PLCXD3: variants seen among roughly 807,000 people sequenced by gnomAD.
PLCXD3 encodes the protein PI-PLC X domain-containing protein 3.
In PLCXD3, 19 loss-of-function variants were observed where a neutral mutation model predicts 25.5. The observed-to-expected ratio is 0.75, with a 90% CI of 0.52 to 1.09. PLCXD3 has a LOEUF of 1.09. Ranked by LOEUF, PLCXD3 falls within the 50% of genes least tolerant of loss-of-function variation. PLCXD3 has a pLI of 0.00. For missense variants in PLCXD3, 411 were observed against 388.1 expected (o/e 1.06, Z -0.50); for synonymous variants, 174 against 137.6 (o/e 1.26, Z -1.85).
At chr5:41,358,833 A>G (rs1744692894) in intron 2 of PLCXD3, among the ~76,000 whole-genome samples, 3 of 151,874 alleles carry the variant, frequency 2.0e-5, no homozygotes, top group African/African-American at 7.3e-5. Flanking sequence ...TCCCTGTTTA[A>G]TCTTATGTTG....
intron 1 of PLCXD3, among the ~76,000 whole-genome samples, chr5:41,410,306 A>AT (rs563270858): frequency 0.02 from 2,991 of 148,364 alleles, 75 homozygotes; most frequent in African/African-American, 0.064. Context: ...CGCCTGGCTA[A>AT]TTTTTTTTTT....
intron 1 of PLCXD3, among the ~76,000 whole-genome samples, chr5:41,416,257 G>A (rs1370666536): frequency 2.7e-5 from 4 of 150,558 alleles, no homozygotes; most frequent in Non-Finnish European, 4.4e-5. Flanking sequence ...GATCTAGAAG[G>A]AAAAAGCGAC....
chr5:41,367,295 G>A (rs13166710), intron 2 of PLCXD3, among the ~76,000 whole-genome samples: 91,725 of 152,022 alleles, frequency 0.6, 28,442 homozygotes, highest in South Asian at 0.75. Context: ...AGCCTCGCCC[G>A]TGTCTATTGT....
chr5:41,364,971 AG>A (rs1325602814), intron 2 of PLCXD3, among the ~76,000 whole-genome samples: 4 of 152,368 alleles, frequency 2.6e-5, no homozygotes, highest in Admixed American at 2.0e-4. Flanking sequence ...AAATTTTCTC[AG>A]GGAACTTGCT....
At chr5:41,394,653 A>G (rs12518202) in intron 1 of PLCXD3, among the ~76,000 whole-genome samples, 16,563 of 152,196 alleles carry the variant, frequency 0.11, 1,079 homozygotes, top group Admixed American at 0.17. Flanking sequence ...AAAAAAAAGA[A>G]CAGGAATAGC....
intron 1 of PLCXD3, among the ~76,000 whole-genome samples, chr5:41,463,769 A>T (rs1220956025): frequency 1.3e-5 from 2 of 151,628 alleles, no homozygotes; most frequent in African/African-American, 4.8e-5. Flanking sequence ...TATTTTTTTT[A>T]AGCTTCTTTG....
At chr5:41,323,083 C>A (rs188767986) in intron 2 of PLCXD3, among the ~76,000 whole-genome samples, 1 of 151,960 alleles carries the variant, frequency 6.6e-6, no homozygotes, top group African/African-American at 2.4e-5. Context: ...ATGCATGGAA[C>A]TGGAGATCAT....
At position 41,381,839 on chromosome 5, in the gene PLCXD3, T is replaced by C. The variant is rs1745470349; in HGVS notation, c.799A>G (p.Thr267Ala). ...VKGVASGLRE[T>A]ITERALPAMM... ...AAAGACACTTACCTTTCTGTGATTG[T>C]TTCTCTGAGGCCACTTGCCACCCCT... Residue 267 changes from threonine to alanine, a missense_variant, in exon 2 of 3, where the codon ACA (threonine) becomes GCA (alanine). Coordinates refer to ENST00000377801, the MANE Select transcript of PLCXD3 (RefSeq NM_001005473.3). The C allele has an allele frequency of 1.9e-6, 3 of 1,605,926 alleles. No homozygotes were observed. The highest frequency in any genetic ancestry group is 2.5e-6 in the Non-Finnish European group (3 of 1,176,640).
Position 41,439,177 on chromosome 5 carries a change from A to T in PLCXD3, c.104-56643T>A, listed in dbSNP as rs190089929. 3.9e-4 allele frequency among the ~76,000 whole-genome samples: 59 copies of T among 152,266 alleles called. 2 individuals are homozygous for T. In the East Asian group the frequency reaches 9.8e-3, roughly 25 times the overall value. ...TCCAAAGCACATTTTAATTTCCTGC[A>T]TGGGTCATGAATGGAAAATTTGTCC... On this transcript the variant is annotated intron_variant, in intron 1 of 2. Coordinates refer to ENST00000377801, the MANE Select transcript of PLCXD3 (RefSeq NM_001005473.3).
At chr5:41,362,230 C>G (rs986277169) in intron 2 of PLCXD3, among the ~76,000 whole-genome samples, 2 of 152,076 alleles carry the variant, frequency 1.3e-5, no homozygotes, top group African/African-American at 4.8e-5. Context: ...TTTCATATTA[C>G]TTTTTTGAGT....
chr5:41,340,708 G>A (rs1178501504), intron 2 of PLCXD3, among the ~76,000 whole-genome samples: 2 of 152,172 alleles, frequency 1.3e-5, no homozygotes, highest in Non-Finnish European at 2.9e-5. Context: ...TAGAGGGATA[G>A]TGCTATTTTC....
At chr5:41,345,572 G>C (rs1744273989) in intron 2 of PLCXD3, among the ~76,000 whole-genome samples, 1 of 152,068 alleles carries the variant, frequency 6.6e-6, no homozygotes, top group South Asian at 2.1e-4. Context: ...TTCAGCTCAG[G>C]CTAGTAGTGA....
intron 1 of PLCXD3, among the ~76,000 whole-genome samples, chr5:41,441,614 A>C (rs1355558661): frequency 1.3e-5 from 2 of 152,184 alleles, no homozygotes; most frequent in Admixed American, 6.5e-5. Flanking sequence ...TTCATTATGT[A>C]GATTTCTATA....
intron 1 of PLCXD3, among the ~76,000 whole-genome samples, chr5:41,398,119 G>T (rs1746066096): frequency 1.3e-5 from 2 of 152,308 alleles, no homozygotes; most frequent in South Asian, 4.1e-4. Flanking sequence ...AATGTGAGAA[G>T]AACATGAGAT....
At chr5:41,415,726 G>A (rs1251164078) in intron 1 of PLCXD3, among the ~76,000 whole-genome samples, 3 of 152,258 alleles carry the variant, frequency 2.0e-5, no homozygotes, top group African/African-American at 4.8e-5. Flanking sequence ...ATTTAGAATA[G>A]GAAGGGATAT....
intron 1 of PLCXD3, among the ~76,000 whole-genome samples, chr5:41,471,835 C>T (rs1397754366): frequency 7.7e-4 from 5 of 6,452 alleles, no homozygotes; most frequent in African/African-American, 2.2e-3. Flanking sequence ...CCCCTCCCCT[C>T]CCCTCCCCTC....
intron 2 of PLCXD3, among the ~76,000 whole-genome samples, chr5:41,371,136 T>C (rs537951333): frequency 1.3e-5 from 2 of 152,318 alleles, no homozygotes; most frequent in Admixed American, 1.3e-4. Flanking sequence ...CAAAATGGTC[T>C]GGGCTTTTGC....
At chr5:41,484,480 C>G (rs377332426) in intron 1 of PLCXD3, among the ~76,000 whole-genome samples, 1 of 152,080 alleles carries the variant, frequency 6.6e-6, no homozygotes, top group East Asian at 1.9e-4. Context: ...ATTTAGTAAG[C>G]AAATACTGTT....
At chr5:41,352,675 G>A (rs1399750547) in intron 2 of PLCXD3, among the ~76,000 whole-genome samples, 1 of 152,146 alleles carries the variant, frequency 6.6e-6, no homozygotes, top group African/African-American at 2.4e-5. Flanking sequence ...AGTTGTCTTA[G>A]TTATCCAAGT....
Sources: gnomAD v4.1 joint callset for allele counts (sites outside exome capture counted in the v4.1 genomes callset) on GRCh38, gnomAD v4.1.1 for gene constraint, MANE v1.5 for transcripts, NCBI Gene and HGNC (gene_info 2026-07-23, HGNC 2026-07-21) for gene names.